Variants in CEP295 observed in about 807,000 individuals in gnomAD.
CEP295 encodes the protein centrosomal protein of 295 kDa.
Under a neutral mutation model 291.6 loss-of-function variants are expected in CEP295, and 190 were observed. The ratio of observed to expected loss-of-function variants is 0.65; its 90% confidence interval spans 0.58 to 0.73. CEP295 has a LOEUF of 0.73. Ranked by LOEUF, CEP295 falls within the 30% of genes least tolerant of loss-of-function variation. The pLI is 0.00. For synonymous variants in CEP295, 993 were observed against 1,038.8 expected, an observed-to-expected ratio of 0.96 and a Z score of 0.85; for missense variants, 2,863 against 2,949.4, an observed-to-expected ratio of 0.97 and a Z score of 0.68.
chr11:93,724,241 C>T lies in CEP295; in HGVS notation c.6197-13C>T. The T allele has an allele frequency of 6.5e-7, 1 of 1,541,826 alleles. No homozygotes were observed. The highest frequency in any genetic ancestry group is 1.2e-5 in the South Asian group (1 of 81,188). Reference sequence around the variant, plus strand: ...TCCCTCAAAAATTCTAACAGTTGACCTTGACTTTCCAGAATTGGAACACAT... The same window carrying T: ...TCCCTCAAAAATTCTAACAGTTGACTTTGACTTTCCAGAATTGGAACACAT... On this transcript the variant is annotated splice_polypyrimidine_tract_variant and intron_variant, in intron 21 of 29. Transcript: ENST00000325212.
In CEP295 at chr11:93,684,078, C is replaced by G. The variant is rs541561552; in HGVS notation, c.1064C>G (p.Ala355Gly). ...ATGGAACAAGAAAATTTGGGTGCAG[C>G]TGAAGACCTTCCAGTGACAGAAGCT... ...LSMEQENLGAAEDLPVTEAEI... is the reference protein window; with the variant it reads ...LSMEQENLGAGEDLPVTEAEI... Residue 355 changes from alanine to glycine, a missense_variant, in exon 9 of 30, where the codon GCT (alanine) becomes GGT (glycine). Around this residue, in one of 3 missense-constraint regions of CEP295, gnomAD observed 554 missense variants for 576.0 expected, o/e 0.96. Transcript: ENST00000325212. 96 of 1,551,412 alleles carry G rather than the reference C, an allele frequency of 6.2e-5. No individual in the cohort carries two copies. The East Asian group carries it at 1.2e-3, about 19-fold the overall frequency.
Position 93,687,855 on chromosome 11 carries a change from G to A in CEP295, c.1326G>A (p.Gly442=). The A allele has an allele frequency of 6.5e-7, 1 of 1,549,002 alleles. No homozygotes were observed. ...GCAAAGAGAGAACGTTATCCTCTGG[G>A]CAGGAACAAGGTATTTCTCTCCAAG... ...IASKERTLSS[G]QEQVVESDTL... The change falls in exon 10 of 30, where the codon GGG becomes GGA. Residue 442 remains glycine, a synonymous_variant. Transcript: ENST00000325212.
Position 93,730,337 on chromosome 11 carries a change from CAAT to C in CEP295, c.*71_*73del. The C allele has an allele frequency of 8.8e-7, 1 of 1,135,606 alleles. No homozygotes were observed. Among genetic ancestry groups the C allele is most frequent in the Non-Finnish European group, 1.3e-6 (1 of 768,580 alleles). The allele number at this position is 1,135,606 out of a possible 1,614,324, so 70.3% of individuals were successfully genotyped here. On this transcript the variant is annotated 3_prime_UTR_variant, in exon 30 of 30. Coordinates refer to ENST00000325212, the MANE Select transcript of CEP295 (RefSeq NM_033395.2). ...AGCATTAGACAAAATTATTTAAAGT[CAAT>C]AAATTGTTATTCGAGGAATTCCATG...
intron 10 of CEP295, 52 bp from the exon 11 acceptor site, chr11:93,691,631 A>T: frequency 1.6e-6 from 2 of 1,221,940 alleles, no homozygotes; most frequent in Non-Finnish European, 2.3e-6. Context: ...ATTTTGCTTT[A>T]AGTTTGACAA....
In CEP295 at chr11:93,700,086, A is replaced by G; in HGVS notation, c.5174A>G (p.Gln1725Arg). ...DLQREVLHYS[Q>R]KAQEKLLVQR... ...CAAAGAGAAGTTCTGCATTATAGCCAGAAAGCCCAGGAAAAATTGCTTGTA... is the reference window on the plus strand; with the variant it reads ...CAAAGAGAAGTTCTGCATTATAGCCGGAAAGCCCAGGAAAAATTGCTTGTA... The change falls in exon 15 of 30, where the codon CAG (glutamine) becomes CGG (arginine). Residue 1725 changes from glutamine to arginine, a missense_variant. Around this residue, in one of 3 missense-constraint regions of CEP295, gnomAD observed 2,295 missense variants for 2,335.7 expected, o/e 0.98. Transcript: ENST00000325212. The G allele has an allele frequency of 6.4e-7, 1 of 1,551,808 alleles. No homozygotes were observed. Among genetic ancestry groups the G allele is most frequent in the Non-Finnish European group, 8.7e-7 (1 of 1,147,006 alleles).
At position 93,725,612 on chromosome 11, in the gene CEP295, T is replaced by C. The variant is rs183899082; in HGVS notation, c.6319-39T>C. Reference sequence around the variant, plus strand: ...GATTATTGTTTCAATTGTTAATACCTAATCAGTATTTCAGCCTTTCCCTTT... The same window carrying C: ...GATTATTGTTTCAATTGTTAATACCCAATCAGTATTTCAGCCTTTCCCTTT... On this transcript the variant is annotated intron_variant, in intron 22 of 29. Coordinates refer to ENST00000325212, the MANE Select transcript of CEP295 (RefSeq NM_033395.2). The C allele has an allele frequency of 7.7e-4, 1,120 of 1,457,220 alleles. 11 individuals carry two copies. In the African/African-American group the frequency reaches 0.014, roughly 18 times the overall value. 90.3% of individuals were successfully genotyped at this position (1,457,220 alleles called of 1,614,324 possible). A position where few individuals can be genotyped will look rare whatever the true frequency, so the allele number is the denominator to read the frequency against.
intron 18 of CEP295, among the ~76,000 whole-genome samples, chr11:93,719,930 AAT>A (rs1953571735): frequency 6.6e-6 from 1 of 152,164 alleles, no homozygotes; most frequent in Non-Finnish European, 1.5e-5. Context: ...TAAGAAGGAA[AAT>A]AAGCTCAGAA....
Position 93,699,194 on chromosome 11 carries a change from G to T in CEP295, c.4282G>T (p.Val1428Leu). 6.4e-7 allele frequency: 1 copy of T among 1,551,844 alleles called. No homozygotes were observed. Among genetic ancestry groups the T allele is most frequent in the Non-Finnish European group, 8.7e-7 (1 of 1,147,014 alleles). The change falls in exon 15 of 30, where the codon GTA becomes TTA. Residue 1428 changes from valine to leucine, a missense_variant. By Grantham distance (32) the Val-to-Leu change is conservative. Transcript: ENST00000325212. ...ATGTTCAATTAACAGTGATAATATA[G>T]TATCCTCAGGTCACTCAGAGATACC... is the stretch of plus-strand genomic sequence containing the variant. ...EPCSINSDNI[V>L]SSGHSEIPTL...
intron 2 of CEP295, 58 bp from the exon 3 acceptor site, chr11:93,667,549 T>G: frequency 7.7e-7 from 1 of 1,298,962 alleles, no homozygotes; most frequent in South Asian, 1.6e-5. Flanking sequence ...CAAATAGCTT[T>G]TCAAAAAAGT....
Position 93,697,796 on chromosome 11 carries a change from G to A in CEP295, c.2884G>A (p.Asp962Asn). 2 of 1,551,708 alleles carry A rather than the reference G, an allele frequency of 1.3e-6. No homozygotes were observed. The highest frequency in any genetic ancestry group is 8.7e-7 in the Non-Finnish European group (1 of 1,146,986). ...CCAAGAGCAGTTGAATATTCAGAAG[G>A]ATAGCCTTCAGGCTAGGCGAGAAGC... ...FLQEQLNIQKDSLQARREAQE... is the reference protein window; with the variant it reads ...FLQEQLNIQKNSLQARREAQE... Residue 962 changes from aspartate (D) to asparagine (N), a missense_variant, in exon 15 of 30, where the codon GAT becomes AAT. Asp to Asn is a conservative substitution (Grantham distance 23). Coordinates refer to ENST00000325212, the MANE Select transcript of CEP295 (RefSeq NM_033395.2).
At chr11:93,725,874 T>G (rs1954096745) in intron 23 of CEP295, 43 bp downstream of exon 23, 4 of 1,488,472 alleles carry the variant, frequency 2.7e-6, no homozygotes, top group Admixed American at 2.0e-5. Flanking sequence ...TTCCATGATT[T>G]TTTACATCCA....
Position 93,697,345 on chromosome 11 carries a change from T to G in CEP295, c.2433T>G (p.Phe811Leu), listed in dbSNP as rs1258479687. Residue 811 changes from phenylalanine to leucine, a missense_variant, in exon 15 of 30, where the codon TTT (phenylalanine) becomes TTG (leucine). Phe to Leu is a conservative substitution (Grantham distance 22). Transcript: ENST00000325212. ...AGTCAGGAAAAATTCAAGAACCCTT[T>G]TCAGCCATGAGCAAAAGTACAGTTT... is the stretch of plus-strand genomic sequence containing the variant. ...KVESGKIQEP[F>L]SAMSKSTVST... 1 of 1,551,842 alleles carries G rather than the reference T, an allele frequency of 6.4e-7. No individual in the cohort carries two copies. The highest frequency in any genetic ancestry group is 8.7e-7 in the Non-Finnish European group (1 of 1,147,032).
chr11:93,697,916 C>G lies in CEP295; in HGVS notation c.3004C>G (p.His1002Asp), dbSNP rs539101590. 10 of 1,551,576 alleles carry G rather than the reference C, an allele frequency of 6.4e-6. No individual in the cohort carries two copies. Among genetic ancestry groups the G allele is most frequent in the East Asian group, 2.4e-5 (1 of 40,930 alleles). The change falls in exon 15 of 30, where the codon CAT (histidine) becomes GAT (aspartate). Residue 1002 changes from histidine (H) to aspartate (D), a missense_variant. Transcript: ENST00000325212. Reference protein sequence around the residue: ...EPSFPFQVAQHTFTSLPSADT... With the variant: ...EPSFPFQVAQDTFTSLPSADT... Reference sequence around the variant, plus strand: ...CTCTTTCCCATTTCAGGTAGCTCAGCATACATTTACTTCACTACCATCTGC... The same window carrying G: ...CTCTTTCCCATTTCAGGTAGCTCAGGATACATTTACTTCACTACCATCTGC...
chr11:93,671,154 A>T (rs550660186), intron 5 of CEP295, among the ~76,000 whole-genome samples: 1 of 152,276 alleles, frequency 6.6e-6, no homozygotes, highest in Non-Finnish European at 1.5e-5. Context: ...AAGTGCTAGG[A>T]TTACAGATGT....
chr11:93,679,086 A>G (rs189322093), intron 6 of CEP295, among the ~76,000 whole-genome samples: 18 of 152,188 alleles, frequency 1.2e-4, no homozygotes, highest in African/African-American at 4.1e-4. Context: ...CAGGTGATCC[A>G]CCCACCTCGG....
chr11:93,674,065 C>G (rs61921266), intron 5 of CEP295, among the ~76,000 whole-genome samples: 1 of 151,762 alleles, frequency 6.6e-6, no homozygotes, highest in South Asian at 2.1e-4. Flanking sequence ...TAGGTTCAAG[C>G]AGTTATCTTG....
At chr11:93,693,982 G>A (rs1397279159) in intron 12 of CEP295, among the ~76,000 whole-genome samples, 1 of 152,064 alleles carries the variant, frequency 6.6e-6, no homozygotes, top group Non-Finnish European at 1.5e-5. Context: ...ACCACTCTAT[G>A]GACAGTACAG....
chr11:93,671,213 C>G (rs771712814), intron 5 of CEP295, among the ~76,000 whole-genome samples: 1 of 152,122 alleles, frequency 6.6e-6, no homozygotes, highest in Non-Finnish European at 1.5e-5. Context: ...GGATATATTC[C>G]TTGTTTTTCC....
intron 10 of CEP295, among the ~76,000 whole-genome samples, chr11:93,690,553 T>C (rs4753494): frequency 0.92 from 125,095 of 135,368 alleles, 58,447 homozygotes; most frequent in East Asian, 1. Context: ...AGCGAGACTC[T>C]GTCTCACAAA....
Sources: gnomAD v4.1 joint callset for allele counts (sites outside exome capture counted in the v4.1 genomes callset) on GRCh38, gnomAD v4.1.1 for gene constraint, gnomAD v4.1.1 regional missense constraint, MANE v1.5 for transcripts, NCBI Gene and HGNC (gene_info 2026-07-23, HGNC 2026-07-21) for gene names.